The following ANKS1B variants were observed in gnomAD, a reference collection of about 807,000 sequenced individuals.
The protein encoded by ANKS1B is ankyrin repeat and sterile alpha motif domain-containing protein 1B.
Under a neutral mutation model 148.3 loss-of-function variants are expected in ANKS1B, and 36 were observed. The ratio of observed to expected loss-of-function variants is 0.24; its 90% CI spans 0.19 to 0.32. The LOEUF is 0.32. Ranked by LOEUF, ANKS1B falls within the 10% of genes least tolerant of loss-of-function variation. ANKS1B has a pLI of 1.00. For synonymous variants in ANKS1B, 542 were observed against 560.8 expected, an observed-to-expected ratio of 0.97 and a Z score of 0.47; for missense variants, 1,157 against 1,542.6, an observed-to-expected ratio of 0.75 and a Z score of 4.19.
At chr12:99,707,187 T>C (rs2055934903) in intron 8 of ANKS1B, among the ~76,000 whole-genome samples, 1 of 152,076 alleles carries the variant, frequency 6.6e-6, no homozygotes, top group Non-Finnish European at 1.5e-5. Context: ...GAGTTCTGCT[T>C]GTCAGAGGTA....
intron 17 of ANKS1B, among the ~76,000 whole-genome samples, chr12:98,847,572 G>A (rs1277622975): frequency 6.7e-6 from 1 of 148,236 alleles, no homozygotes; most frequent in Non-Finnish European, 1.5e-5. Context: ...GAACACGGGA[G>A]TGCAGGTATC....
intron 10 of ANKS1B, among the ~76,000 whole-genome samples, chr12:99,460,356 C>T (rs2095933093): frequency 1.3e-5 from 2 of 152,036 alleles, no homozygotes; most frequent in African/African-American, 2.4e-5. Flanking sequence ...TTGGCTTAAG[C>T]AAAGACTTCA....
At chr12:98,997,505 G>C (rs142046454) in intron 17 of ANKS1B, among the ~76,000 whole-genome samples, 1,942 of 151,412 alleles carry the variant, frequency 0.013, 50 homozygotes, top group African/African-American at 0.044. Context: ...GGGTTCAAGC[G>C]GTTCTCCTGC....
chr12:98,895,119 C>T, intron 17 of ANKS1B: 1 of 985,212 alleles, frequency 1.0e-6, no homozygotes, highest in Non-Finnish European at 1.2e-6. Flanking sequence ...GCTTGGCCGC[C>T]GGGGAGGGCT....
intron 19 of ANKS1B, among the ~76,000 whole-genome samples, chr12:98,810,917 C>T (rs775721401): frequency 9.2e-5 from 14 of 152,200 alleles, no homozygotes; most frequent in South Asian, 8.3e-4. Flanking sequence ...GCTCGGTCTG[C>T]GCTTTGACTT....
At position 98,751,281 on chromosome 12, in the gene ANKS1B, C is replaced by A. The variant is rs1001980856; in HGVS notation, c.3747+74G>T. 2.7e-4 allele frequency: 399 copies of A among 1,494,552 alleles called. 2 individuals are homozygous for A. Among genetic ancestry groups the A allele is most frequent in the Non-Finnish European group, 3.3e-4 (360 of 1,103,002 alleles). 92.6% of individuals were successfully genotyped at this position (1,494,552 alleles called of 1,614,324 possible). On this transcript the variant is annotated intron_variant, in intron 26 of 26. Coordinates refer to ENST00000683438, the MANE Select transcript of ANKS1B (RefSeq NM_001352186.2). This position sits in a 1 kb window ranked among gnomAD's most constrained non-coding sequence, Gnocchi z 4.3. ...CTGGGTTCTAATGGCACCCACACCA[C>A]ACAAGGGCCTGGTTAGCAGCCCCTT...
chr12:99,975,959 A>G (rs760152542), intron 1 of ANKS1B, among the ~76,000 whole-genome samples: 10 of 152,232 alleles, frequency 6.6e-5, no homozygotes, highest in Non-Finnish European at 1.0e-4. Flanking sequence ...GATGCCCATC[A>G]ATGGTAGACT....
chr12:99,779,318 C>A (rs553623065), intron 6 of ANKS1B, among the ~76,000 whole-genome samples: 1 of 152,272 alleles, frequency 6.6e-6, no homozygotes, highest in South Asian at 2.1e-4. Flanking sequence ...AATCTGTATT[C>A]TTTTGGCTAA....
intron 8 of ANKS1B, among the ~76,000 whole-genome samples, chr12:99,733,012 T>C (rs1666025690): frequency 1.6e-5 from 2 of 126,116 alleles, no homozygotes; most frequent in Non-Finnish European, 3.4e-5. Flanking sequence ...TTATTGTTCC[T>C]TGCTCATTAA....
intron 2 of ANKS1B, among the ~76,000 whole-genome samples, chr12:99,821,727 T>C (rs999498171): frequency 6.6e-5 from 10 of 152,040 alleles, no homozygotes; most frequent in African/African-American, 2.4e-4. Context: ...TTAGATGTAA[T>C]AGAGTTTATC....
intron 17 of ANKS1B, among the ~76,000 whole-genome samples, chr12:99,017,198 T>A (rs1198713694): frequency 6.6e-6 from 1 of 152,240 alleles, no homozygotes; most frequent in African/African-American, 2.4e-5. Flanking sequence ...ACTTCCAAGC[T>A]GTCCTTGGTC....
chr12:99,533,397 A>C (rs568731979), intron 9 of ANKS1B, among the ~76,000 whole-genome samples: 3 of 152,132 alleles, frequency 2.0e-5, no homozygotes, highest in Admixed American at 2.0e-4. Context: ...GTAATCTGAG[A>C]CTTTAGTGAA....
chr12:98,743,861 AT>A, downstream of ANKS1B: 1 of 381,196 alleles, frequency 2.6e-6, no homozygotes, highest in Non-Finnish European at 3.6e-6. Context: ...TTTCTCAACA[AT>A]TTTGCCAATT....
intron 8 of ANKS1B, among the ~76,000 whole-genome samples, chr12:99,727,406 A>G (rs1382981086): frequency 6.6e-6 from 1 of 152,124 alleles, no homozygotes; most frequent in East Asian, 1.9e-4. Flanking sequence ...TAAAGAGAAT[A>G]AAATACCTAG....
At chr12:99,918,309 T>C (rs1477611096) in intron 1 of ANKS1B, among the ~76,000 whole-genome samples, 2 of 152,194 alleles carry the variant, frequency 1.3e-5, no homozygotes, top group East Asian at 1.9e-4. Context: ...GTAGCCAAGT[T>C]GGGTAATTTG....
chr12:99,679,561 C>T (rs950902049), intron 8 of ANKS1B, among the ~76,000 whole-genome samples: 7 of 152,274 alleles, frequency 4.6e-5, no homozygotes, highest in South Asian at 2.1e-4. Flanking sequence ...CCGCCCTCCT[C>T]GGCCTCCCAA....
intron 8 of ANKS1B, among the ~76,000 whole-genome samples, chr12:99,748,406 T>A (rs1007459155): frequency 4.1e-5 from 6 of 146,924 alleles, no homozygotes; most frequent in African/African-American, 1.5e-4. Flanking sequence ...TTGAGAACTA[T>A]CTGAAGAGAT....
Position 98,800,779 on chromosome 12 carries a change from C to G in ANKS1B, c.3270+218G>C, listed in dbSNP as rs375613592. On this transcript the variant is annotated intron_variant, in intron 21 of 26. Transcript: ENST00000683438. ...AACTATATAAGAGGTCACAACAGAC[C>G]TTAAACTTACAAGATTAAAACGGTT... Among the ~76,000 whole-genome samples, 14 of 150,784 alleles carry G rather than the reference C, an allele frequency of 9.3e-5. No homozygotes were observed. In the East Asian group the frequency reaches 2.7e-3, roughly 29 times the overall value.
chr12:99,780,282 C>CT (rs1043457723), intron 5 of ANKS1B, among the ~76,000 whole-genome samples: 2,509 of 147,166 alleles, frequency 0.017, 59 homozygotes, highest in African/African-American at 0.057. Flanking sequence ...CCTATGATAT[C>CT]TTTTTTTTTT....
Sources: allele counts gnomAD v4.1 joint callset (sites outside exome capture counted in the v4.1 genomes callset), GRCh38; gene constraint gnomAD v4.1.1; non-coding constraint Gnocchi (gnomAD v3.1); transcripts MANE v1.5; gene names NCBI Gene and HGNC (gene_info 2026-07-23, HGNC 2026-07-21).